CAPN10: variants seen among roughly 807,000 people sequenced by gnomAD.
CAPN10 encodes calpain 10.
A neutral mutation model predicts 78.4 loss-of-function variants in CAPN10; 71 were observed. The observed-to-expected ratio is 0.91, with a 90% confidence interval of 0.75 to 1.10. The LOEUF (loss-of-function observed/expected upper bound fraction) is 1.10, where lower values mean the gene tolerates loss of function less well. CAPN10 is among the 50% of genes least tolerant of loss of function. The pLI, the probability that CAPN10 is intolerant of heterozygous loss-of-function variation, is 0.00. For missense variants in CAPN10, 849 were observed against 924.6 expected (o/e 0.92, Z 1.06); for synonymous variants, 437 against 407.2 (o/e 1.07, Z -0.88).
In CAPN10 at chr2:240,593,945, CGGA is replaced by C; in HGVS notation, c.729_731del (p.Asp244del). 3 of 1,609,616 alleles carry C rather than the reference CGGA, an allele frequency of 1.9e-6. No individual in the cohort carries two copies. The highest frequency in any genetic ancestry group is 2.5e-6 in the Non-Finnish European group (3 of 1,177,028). ...GGGGAGTTCCATGCCTTCATTGTCT[CGGA>C]CCTGCGGGAGCTCCAGGGTCAGGCG... On this transcript the variant is annotated inframe_deletion, in exon 5 of 12. Transcript: ENST00000391984.
chr2:240,594,375 T>C, intron 5 of CAPN10, 168 bp from the exon 6 acceptor site: 1 of 727,640 alleles, frequency 1.4e-6, no homozygotes, highest in Non-Finnish European at 2.3e-6. Context: ...GAAGGCCCTG[T>C]GCTGCAGAGC....
chr2:240,596,790 G>A lies in CAPN10; in HGVS notation c.1591G>A (p.Gly531Ser). ...TTGGAGAGTCGGCCAGACGGCGGGG[G>A]GCAGCAGGAACTTTGCCTCATACCC... The part of the protein sequence containing the change: ...GSWRVGQTAG[G>S]SRNFASYPTN... Residue 531 changes from glycine to serine, a missense_variant, in exon 9 of 12, where the codon GGC becomes AGC. By Grantham distance (56) the Gly-to-Ser change is moderately conservative (BLOSUM62 0). Transcript: ENST00000391984. 6.2e-7 allele frequency: 1 copy of A among 1,612,920 alleles called. No individual in the cohort carries two copies. Among genetic ancestry groups the A allele is most frequent in the African/African-American group, 1.3e-5 (1 of 75,064 alleles).
chr2:240,593,301 C>T (rs909338092), intron 4 of CAPN10, among the ~76,000 whole-genome samples: 4 of 152,230 alleles, frequency 2.6e-5, no homozygotes, highest in Admixed American at 6.5e-5. Context: ...GGCAAGGGGC[C>T]GCGGCGTGGG....
rs2093069846 is a variant in CAPN10, at chr2:240,586,739, A to AG, written c.-172dup. ...GCCGCCTGGTTACCAATGGGAGACT[A>AG]GCGGGCCGGCGTACTGGCCTGGTCC... On this transcript the variant is annotated 5_prime_UTR_variant, in exon 1 of 12. Coordinates refer to ENST00000391984, the MANE Select transcript of CAPN10 (RefSeq NM_023083.4). 1 of 497,850 alleles carries AG rather than the reference A, an allele frequency of 2.0e-6. No homozygotes were observed. The highest frequency in any genetic ancestry group is 2.0e-5 in the African/African-American group (1 of 49,958). 30.8% of individuals were successfully genotyped at this position (497,850 alleles called of 1,614,324 possible).
At chr2:240,595,380 T>C (rs1327575381) in intron 7 of CAPN10, 76 bp downstream of exon 7, 4 of 1,489,380 alleles carry the variant, frequency 2.7e-6, no homozygotes, top group Middle Eastern at 1.7e-4. Flanking sequence ...GTTCTAGGAC[T>C]GGCTCTGCCG....
intron 2 of CAPN10, chr2:240,590,087 C>T (rs1559423420): frequency 1.3e-5 from 2 of 152,508 alleles, no homozygotes; most frequent in East Asian, 3.9e-4. Flanking sequence ...CAGTCACTGG[C>T]TTTCAGACAC....
At position 240,587,048 on chromosome 2, in the gene CAPN10, C is replaced by A; in HGVS notation, c.137C>A (p.Pro46His). ...QFREDITWRR[P>H]QEICATPRLF... Reference sequence around the variant, plus strand: ...CGCGAGGACATCACGTGGAGGCGGCCCCAGGTGGGGCCGTGTGGGGTGCGG... The same window carrying A: ...CGCGAGGACATCACGTGGAGGCGGCACCAGGTGGGGCCGTGTGGGGTGCGG... Residue 46 changes from proline (P) to histidine (H), a missense_variant, in exon 1 of 12, where the codon CCC becomes CAC. Physicochemically the swap from Pro to His is moderately conservative, Grantham distance 77. Transcript: ENST00000391984. 7.0e-7 allele frequency: 1 copy of A among 1,433,144 alleles called. No homozygotes were observed. Among genetic ancestry groups the A allele is most frequent in the East Asian group, 3.0e-5 (1 of 32,994 alleles). 88.8% of individuals were successfully genotyped at this position (1,433,144 alleles called of 1,614,324 possible).
chr2:240,591,040 G>A (rs751204843), intron 3 of CAPN10, 29 bp downstream of exon 3: 4 of 1,602,174 alleles, frequency 2.5e-6, no homozygotes, highest in Non-Finnish European at 2.6e-6. Flanking sequence ...GAAGGGCCTG[G>A]CCTGGGGCAA....
intron 1 of CAPN10, among the ~76,000 whole-genome samples, chr2:240,587,688 T>C (rs1448885717): frequency 6.6e-6 from 1 of 152,266 alleles, no homozygotes; most frequent in Non-Finnish European, 1.5e-5. Context: ...TTCTGGGCTC[T>C]CGTGACTGAG....
intron 4 of CAPN10, among the ~76,000 whole-genome samples, chr2:240,593,272 C>G (rs1196952770): frequency 6.6e-6 from 1 of 152,254 alleles, no homozygotes; most frequent in East Asian, 1.9e-4. Flanking sequence ...ACTGGAGGTG[C>G]ATTGGAGCCT....
chr2:240,589,567 GC>G, intron 2 of CAPN10, 93 bp downstream of exon 2: 1 of 1,462,262 alleles, frequency 6.8e-7, no homozygotes, highest in Non-Finnish European at 9.1e-7. Context: ...CGAAAGCAGA[GC>G]TGTGCCGCAG....
rs372330987 is a variant in CAPN10 at position 240,590,826 on chromosome 2, G to A, written c.285G>A (p.Pro95=). 43 of 1,613,932 alleles carry A rather than the reference G, an allele frequency of 2.7e-5. No individual in the cohort carries two copies. Among genetic ancestry groups the A allele is most frequent in the African/African-American group, 5.3e-5 (4 of 74,932 alleles). The change falls in exon 3 of 12, where the codon CCG becomes CCA. Residue 95 remains proline (P), a synonymous_variant. Coordinates refer to ENST00000391984, the MANE Select transcript of CAPN10 (RefSeq NM_023083.4). ...SRHLLDQVIP[P]GQPSWADQEY... ...CCTGTGCATGGCAGGTCATTCCTCC[G>A]GGACAGCCGAGCTGGGCCGACCAGG...
At chr2:240,588,969 G>T (rs562476748) in intron 1 of CAPN10, among the ~76,000 whole-genome samples, 1 of 127,568 alleles carries the variant, frequency 7.8e-6, no homozygotes, top group Non-Finnish European at 1.6e-5. Flanking sequence ...TGATAGTTAG[G>T]GGGTGTGGGA....
Position 240,593,923 on chromosome 2 carries a change from G to A in CAPN10, c.706G>A (p.Glu236Lys). 6.2e-7 allele frequency: 1 copy of A among 1,604,032 alleles called. No individual in the cohort carries two copies. Among genetic ancestry groups the A allele is most frequent in the East Asian group, 2.2e-5 (1 of 44,536 alleles). Reference sequence around the variant, plus strand: ...TCATGCAGGTGCCCGGGAGCTGGGGGAGTTCCATGCCTTCATTGTCTCGGA... The same window carrying A: ...TCATGCAGGTGCCCGGGAGCTGGGGAAGTTCCATGCCTTCATTGTCTCGGA... Reference protein sequence around the residue: ...SPRAGARELGEFHAFIVSDLR... With the variant: ...SPRAGARELGKFHAFIVSDLR... The change falls in exon 5 of 12, where the codon GAG (glutamate) becomes AAG (lysine). Residue 236 changes from glutamate (E) to lysine (K), a missense_variant. Transcript: ENST00000391984.
chr2:240,594,025 T>C lies in CAPN10; in HGVS notation c.808T>C (p.Trp270Arg). 1.2e-6 allele frequency: 2 copies of C among 1,607,214 alleles called. No homozygotes were observed. The highest frequency in any genetic ancestry group is 1.7e-6 in the Non-Finnish European group (2 of 1,176,012). ...CCAGAACCCCTGGGGCCGGCGGTGC[T>C]GGCAGGGGCTCTGGAGAGAGGGGTG... ...RIQNPWGRRCWQGLWREGGEG... is the reference protein window; with the variant it reads ...RIQNPWGRRCRQGLWREGGEG... Residue 270 changes from tryptophan to arginine, a missense_variant, in exon 5 of 12, where the codon TGG becomes CGG. By Grantham distance (101) the Trp-to-Arg change is moderately radical. Coordinates refer to ENST00000391984, the MANE Select transcript of CAPN10 (RefSeq NM_023083.4).
At chr2:240,590,755 G>A (rs1435965338) in intron 2 of CAPN10, 60 bp from the exon 3 acceptor site, 11 of 1,529,944 alleles carry the variant, frequency 7.2e-6, no homozygotes, top group Non-Finnish European at 9.0e-6. Context: ...CGGGACACTG[G>A]AGTAGCGCCG....
intron 5 of CAPN10, chr2:240,594,275 C>G: frequency 1.7e-6 from 1 of 581,442 alleles, no homozygotes; most frequent in Admixed American, 3.1e-5. Context: ...CAGACATCAT[C>G]ACGGGCTCGG....
In CAPN10 at chr2:240,595,846, C is replaced by G. The variant is rs536511174; in HGVS notation, c.1279-473C>G. 1.0e-3 allele frequency: 893 copies of G among 892,366 alleles called. 6 individuals carry two copies. In the African/African-American group the frequency reaches 0.013, roughly 13 times the overall value. The allele number at this position is 892,366 out of a possible 1,614,324, so 55.3% of individuals were successfully genotyped here. On this transcript the variant is annotated intron_variant, in intron 7 of 11. Transcript: ENST00000391984. The stretch of plus-strand genomic sequence containing the variant: ...TGTTTCCAGGAAGAACAGATGGGGG[C>G]GCCTGAGGGCAAAGGGCCTGAGTGT...
intron 4 of CAPN10, 150 bp from the exon 5 acceptor site, chr2:240,593,756 C>A: frequency 1.2e-6 from 1 of 855,102 alleles, no homozygotes; most frequent in Non-Finnish European, 1.7e-6. Context: ...AAGGAGCTCT[C>A]GTGGTCCATG....
Sources: allele counts gnomAD v4.1 joint callset (sites outside exome capture counted in the v4.1 genomes callset), GRCh38; gene constraint gnomAD v4.1.1; transcripts MANE v1.5; gene names NCBI Gene and HGNC (gene_info 2026-07-23, HGNC 2026-07-21).